GSG1L: variants seen among roughly 807,000 people sequenced by gnomAD.
GSG1L encodes the protein GSG1 like, also known as germ cell-specific gene 1-like protein.
In GSG1L, 24 loss-of-function variants were observed where a neutral mutation model predicts 42.1. The ratio of observed to expected loss-of-function variants is 0.57; its 90% confidence interval spans 0.41 to 0.80. GSG1L has a LOEUF of 0.80. Among genes scored for constraint, GSG1L ranks in the 30% least tolerant of loss-of-function variants. The probability of loss-of-function intolerance (pLI) is 0.00; values close to 1 mark genes in which losing one functional copy is unlikely to be tolerated. For missense variants in GSG1L, 445 were observed against 472.2 expected (o/e 0.94, Z 0.53); for synonymous variants, 215 against 203.5 (o/e 1.06, Z -0.48).
intron 3 of GSG1L, among the ~76,000 whole-genome samples, chr16:27,864,508 A>G (rs2083692312): frequency 6.6e-6 from 1 of 152,192 alleles, no homozygotes; most frequent in Non-Finnish European, 1.5e-5. Flanking sequence ...AAAATCCCCA[A>G]AAGCCAAAGT....
intron 1 of GSG1L, among the ~76,000 whole-genome samples, chr16:28,026,579 G>T (rs773423579): frequency 6.6e-6 from 1 of 152,172 alleles, no homozygotes; most frequent in Non-Finnish European, 1.5e-5. Context: ...CAGGCTGGAC[G>T]CAGCTCAGCT....
intron 4 of GSG1L, among the ~76,000 whole-genome samples, chr16:27,840,604 A>G (rs2083369625): frequency 6.6e-6 from 1 of 152,132 alleles, no homozygotes; most frequent in East Asian, 1.9e-4. Flanking sequence ...CGTGTTGGTT[A>G]CTGTCTCCAA....
At chr16:27,835,096 A>G (rs2083309781) in intron 4 of GSG1L, among the ~76,000 whole-genome samples, 1 of 152,096 alleles carries the variant, frequency 6.6e-6, no homozygotes, top group Non-Finnish European at 1.5e-5. Context: ...ATTGTTGAGA[A>G]AGCCATATTG....
intron 1 of GSG1L, among the ~76,000 whole-genome samples, chr16:27,984,206 G>A (rs78988457): frequency 2.0e-5 from 3 of 152,112 alleles, no homozygotes; most frequent in Non-Finnish European, 4.4e-5. Context: ...TCTGAGAAAC[G>A]GGATTTGTCA....
chr16:27,986,884 G>A (rs1490898554), intron 1 of GSG1L, among the ~76,000 whole-genome samples: 1 of 152,254 alleles, frequency 6.6e-6, no homozygotes, highest in Non-Finnish European at 1.5e-5. Context: ...GGTCCAGTTG[G>A]TAGATGGAGA....
chr16:27,931,167 G>A (rs1022419445), intron 2 of GSG1L, among the ~76,000 whole-genome samples: 4 of 152,090 alleles, frequency 2.6e-5, no homozygotes, highest in Non-Finnish European at 4.4e-5. Context: ...TTCTTCACTC[G>A]GGCTCTTCGT....
intron 2 of GSG1L, among the ~76,000 whole-genome samples, chr16:27,928,026 T>C (rs2084615014): frequency 6.6e-6 from 1 of 152,246 alleles, no homozygotes; most frequent in Admixed American, 6.5e-5. Flanking sequence ...TGTTCAAGTT[T>C]GTCTCATCCA....
intron 1 of GSG1L, among the ~76,000 whole-genome samples, chr16:28,037,957 T>C (rs968437140): frequency 1.3e-5 from 2 of 152,194 alleles, no homozygotes; most frequent in East Asian, 1.9e-4. Flanking sequence ...ATCCCTCCTG[T>C]AGGTCATGGA....
intron 3 of GSG1L, among the ~76,000 whole-genome samples, chr16:27,848,156 TTGAA>T (rs780915117): frequency 6.6e-6 from 1 of 152,212 alleles, no homozygotes; most frequent in Non-Finnish European, 1.5e-5. Context: ...CAGAAGTTTC[TTGAA>T]TGAATGAATG....
chr16:27,899,733 A>G (rs2084235421), intron 2 of GSG1L, among the ~76,000 whole-genome samples: 2 of 152,122 alleles, frequency 1.3e-5, no homozygotes, highest in African/African-American at 4.8e-5. Flanking sequence ...ATAAATAAAT[A>G]ACAACAAGAC....
At chr16:28,056,983 T>C (rs181827623) in intron 1 of GSG1L, among the ~76,000 whole-genome samples, 8 of 152,086 alleles carry the variant, frequency 5.3e-5, no homozygotes, top group Non-Finnish European at 1.2e-4. Context: ...GGTTGTCTTA[T>C]GGAAGAGTTC....
chr16:27,844,733 G>A (rs1439540109), intron 4 of GSG1L, among the ~76,000 whole-genome samples: 1 of 152,154 alleles, frequency 6.6e-6, no homozygotes, highest in Non-Finnish European at 1.5e-5. Context: ...CTTGAGGGCT[G>A]CATATAAACA....
intron 1 of GSG1L, among the ~76,000 whole-genome samples, chr16:28,017,254 G>T (rs186353122): frequency 6.6e-6 from 1 of 152,300 alleles, no homozygotes; most frequent in African/African-American, 2.4e-5. Flanking sequence ...ACAGGGAAAG[G>T]CATCTTCAAA....
intron 2 of GSG1L, among the ~76,000 whole-genome samples, chr16:27,909,337 T>TTTTC (rs774577948): frequency 1.3e-5 from 2 of 151,816 alleles, no homozygotes; most frequent in Non-Finnish European, 2.9e-5. Flanking sequence ...CTTTCTTTCT[T>TTTTC]TTTCTTTCTT....
intron 1 of GSG1L, among the ~76,000 whole-genome samples, chr16:27,973,732 C>A (rs184790244): frequency 1.6e-3 from 249 of 152,248 alleles, no homozygotes; most frequent in Non-Finnish European, 3.0e-3. Context: ...CTCAGTTTCC[C>A]TACCTATAAA....
At chr16:27,882,096 G>T (rs2083964887) in intron 3 of GSG1L, among the ~76,000 whole-genome samples, 1 of 152,168 alleles carries the variant, frequency 6.6e-6, no homozygotes, top group Non-Finnish European at 1.5e-5. Flanking sequence ...GGACCCAGTG[G>T]GAGGTAATTG....
rs140841142 is a variant in GSG1L at position 27,975,090 on chromosome 16, C to T, written c.350-11887G>A. 4.7e-3 allele frequency among the ~76,000 whole-genome samples: 721 copies of T among 152,210 alleles called. 6 individuals are homozygous for T. Among genetic ancestry groups the T allele is most frequent in the African/African-American group, 0.015 (641 of 41,534 alleles). The stretch of plus-strand genomic sequence containing the variant: ...CATCTCTGGGCCGGGACTTGAGAAT[C>T]GGTCTTTCCAACATGTTCCCAGAGG... On this transcript the variant is annotated intron_variant, in intron 1 of 6. Transcript: ENST00000447459.
At chr16:27,877,653 C>A (rs1007944148) in intron 3 of GSG1L, among the ~76,000 whole-genome samples, 4 of 152,228 alleles carry the variant, frequency 2.6e-5, no homozygotes, top group African/African-American at 9.6e-5. Flanking sequence ...CTGCCAGCAA[C>A]ACTGAGTGGG....
At chr16:27,937,431 AG>A (rs76726941) in intron 2 of GSG1L, among the ~76,000 whole-genome samples, 22,740 of 151,960 alleles carry the variant, frequency 0.15, 1,839 homozygotes, top group East Asian at 0.25. Context: ...TAGTACAGAC[AG>A]GGTTTCACCA....
Sources: allele counts gnomAD v4.1 joint callset (sites outside exome capture counted in the v4.1 genomes callset), GRCh38; gene constraint gnomAD v4.1.1; transcripts MANE v1.5; gene names NCBI Gene and HGNC (gene_info 2026-07-23, HGNC 2026-07-21).